Variants in GPC5 observed in about 807,000 individuals in gnomAD.
GPC5 encodes the protein glypican 5.
In GPC5, 47 loss-of-function variants were observed where a neutral mutation model predicts 53.9. The observed-to-expected ratio is 0.87, with a 90% CI of 0.69 to 1.11. The LOEUF is 1.11. Ranked by LOEUF, GPC5 falls within the 50% of genes most tolerant of loss-of-function variation. The pLI is 0.00. For missense variants in GPC5, 748 were observed against 713.1 expected (o/e 1.05, Z -0.56); for synonymous variants, 286 against 263.3 (o/e 1.09, Z -0.84).
At chr13:91,865,479 G>A (rs1251151528) in intron 5 of GPC5, among the ~76,000 whole-genome samples, 1 of 152,038 alleles carries the variant, frequency 6.6e-6, no homozygotes, top group Non-Finnish European at 1.5e-5. Flanking sequence ...GCAGTGGAGA[G>A]GTGAAGAAGA....
chr13:91,872,044 C>A (rs984681645), intron 5 of GPC5, among the ~76,000 whole-genome samples: 1 of 152,002 alleles, frequency 6.6e-6, no homozygotes, highest in African/African-American at 2.4e-5. Flanking sequence ...AATACCAAAG[C>A]AGAGAGACTG....
intron 5 of GPC5, among the ~76,000 whole-genome samples, chr13:91,827,850 G>A (rs1246670442): frequency 6.6e-6 from 1 of 151,928 alleles, no homozygotes; most frequent in Non-Finnish European, 1.5e-5. Context: ...ATTTACCCAA[G>A]AGAAATTAAA....
intron 2 of GPC5, among the ~76,000 whole-genome samples, chr13:91,658,162 G>T (rs1196649882): frequency 6.6e-6 from 1 of 152,092 alleles, no homozygotes; most frequent in Non-Finnish European, 1.5e-5. Flanking sequence ...AAAAAAATCA[G>T]ATCTGAAAGC....
At position 92,017,790 on chromosome 13, in the gene GPC5, G is replaced by A. The variant is rs374641151; in HGVS notation, c.1401+109733G>A. 6.3e-4 allele frequency among the ~76,000 whole-genome samples: 94 copies of A among 148,968 alleles called. 1 individual carries two copies. The South Asian group carries it at 0.019, about 29-fold the overall frequency. On this transcript the variant is annotated intron_variant, in intron 6 of 7. Coordinates refer to ENST00000377067, the MANE Select transcript of GPC5 (RefSeq NM_004466.6). Reference sequence around the variant, plus strand: ...CACACGTGCATGAGTACACACACACGCATGAGTACACACACGCATGAGTAC... The same window carrying A: ...CACACGTGCATGAGTACACACACACACATGAGTACACACACGCATGAGTAC...
chr13:91,702,008 A>G (rs962778517), intron 3 of GPC5, among the ~76,000 whole-genome samples: 12 of 152,102 alleles, frequency 7.9e-5, no homozygotes, highest in African/African-American at 2.9e-4. Context: ...TTGAAATAAT[A>G]TCTCATTGTG....
At chr13:91,777,544 A>T (rs577332803) in intron 5 of GPC5, among the ~76,000 whole-genome samples, 62 of 152,346 alleles carry the variant, frequency 4.1e-4, no homozygotes, top group African/African-American at 1.4e-3. Flanking sequence ...TTGATTCATT[A>T]CATAAATATA....
At chr13:92,216,400 A>G (rs2042410433) in intron 7 of GPC5, among the ~76,000 whole-genome samples, 1 of 152,078 alleles carries the variant, frequency 6.6e-6, no homozygotes, top group African/African-American at 2.4e-5. Context: ...CCTCACATCC[A>G]TCTCTCCAAC....
intron 2 of GPC5, among the ~76,000 whole-genome samples, chr13:91,653,478 T>C (rs150650916): frequency 6.6e-6 from 1 of 152,256 alleles, no homozygotes; most frequent in African/African-American, 2.4e-5. Context: ...ACAGGGTGCC[T>C]ATGGTCAATA....
chr13:92,077,579 T>C (rs2138875171), intron 6 of GPC5, among the ~76,000 whole-genome samples: 1 of 152,246 alleles, frequency 6.6e-6, no homozygotes, highest in African/African-American at 2.4e-5. Flanking sequence ...GATGAAGGTA[T>C]CCAGTCATAA....
chr13:91,728,384 G>A lies in GPC5; in HGVS notation c.1021-148G>A, dbSNP rs538702916. 9.0e-5 allele frequency: 49 copies of A among 542,426 alleles called. No individual in the cohort carries two copies. In the South Asian group the frequency reaches 2.2e-3, roughly 24 times the overall value. 33.6% of individuals were successfully genotyped at this position (542,426 alleles called of 1,614,324 possible). A position where few individuals can be genotyped will look rare whatever the true frequency, so the allele number is the denominator to read the frequency against. On this transcript the variant is annotated intron_variant, in intron 3 of 7. Transcript: ENST00000377067. ...TTTACTTTCCTCTGTTAGAAAAATT[G>A]ACAAACATTATATATACATATTATA...
Position 91,697,186 on chromosome 13 carries a change from A to G in GPC5, c.1020+3305A>G, listed in dbSNP as rs545893531. Among the ~76,000 whole-genome samples, 115 of 152,260 alleles carry G rather than the reference A, an allele frequency of 7.6e-4. 1 individual carries two copies. Among genetic ancestry groups the G allele is most frequent in the African/African-American group, 2.6e-3 (108 of 41,554 alleles). ...TGAAATGGAGTCTTGCTCTGTCACC[A>G]GGCTGGAGTGCAGTGGCATGATCTC... is the stretch of plus-strand genomic sequence containing the variant. On this transcript the variant is annotated intron_variant, in intron 3 of 7. Transcript: ENST00000377067.
Position 91,432,211 on chromosome 13 carries a change from G to GCTGC in GPC5, c.164-16550_164-16549insCTGC, listed in dbSNP as rs1231375785. ...TGCTGCTGCTGCTGCTGCTGTGTGT[G>GCTGC]TGTGTGTGTGTGTGTGTGTGTGTGT... On this transcript the variant is annotated intron_variant, in intron 1 of 7. Coordinates refer to ENST00000377067, the MANE Select transcript of GPC5 (RefSeq NM_004466.6). Among the ~76,000 whole-genome samples the GCTGC allele has an allele frequency of 5.8e-5, 7 of 121,696 alleles. No homozygotes were observed. The East Asian group carries it at 1.2e-3, about 20-fold the overall frequency. 79.8% of individuals were successfully genotyped at this position (121,696 alleles called of 152,430 possible).
At chr13:92,134,107 G>A (rs1236861887) in intron 6 of GPC5, among the ~76,000 whole-genome samples, 4 of 152,146 alleles carry the variant, frequency 2.6e-5, no homozygotes, top group African/African-American at 7.2e-5. Flanking sequence ...AACAGGCAAT[G>A]TAGAATTGTC....
intron 7 of GPC5, among the ~76,000 whole-genome samples, chr13:92,489,660 G>A (rs1879685414): frequency 6.6e-6 from 1 of 152,060 alleles, no homozygotes; most frequent in African/African-American, 2.4e-5. Context: ...ACTACTTTCA[G>A]AAGAACTCAG....
intron 6 of GPC5, among the ~76,000 whole-genome samples, chr13:91,979,906 C>T (rs1295916372): frequency 6.6e-6 from 1 of 152,196 alleles, no homozygotes; most frequent in South Asian, 2.1e-4. Context: ...GTGTTGAACA[C>T]TGATAATCAC....
chr13:92,154,813 A>C (rs993453940), intron 7 of GPC5, among the ~76,000 whole-genome samples: 1 of 152,222 alleles, frequency 6.6e-6, no homozygotes. Context: ...CATGACTGCA[A>C]TCTGAGCACT....
intron 1 of GPC5, among the ~76,000 whole-genome samples, chr13:91,448,220 G>A (rs909089583): frequency 4.6e-5 from 7 of 152,188 alleles, no homozygotes; most frequent in African/African-American, 1.7e-4. Flanking sequence ...CTGAGCTTGG[G>A]CCCATGGGGG....
chr13:91,770,817 A>G (rs371898616), intron 5 of GPC5, among the ~76,000 whole-genome samples: 2 of 152,216 alleles, frequency 1.3e-5, no homozygotes, highest in African/African-American at 4.8e-5. Context: ...AAATGTGAAT[A>G]TAAAGTTTGA....
chr13:92,781,849 G>T (rs1454277775), intron 7 of GPC5, among the ~76,000 whole-genome samples: 1 of 152,174 alleles, frequency 6.6e-6, no homozygotes, highest in Non-Finnish European at 1.5e-5. Flanking sequence ...AGTAGCTGCT[G>T]CCAGCCAAGT....
Sources: allele counts gnomAD v4.1 joint callset (sites outside exome capture counted in the v4.1 genomes callset), GRCh38; gene constraint gnomAD v4.1.1; transcripts MANE v1.5; gene names NCBI Gene and HGNC (gene_info 2026-07-23, HGNC 2026-07-21).